Variants in RPS6KC1 observed in about 807,000 individuals in gnomAD.
RPS6KC1 encodes the protein ribosomal protein S6 kinase C1, also known as inactive ribosomal protein S6 kinase delta-1.
RPS6KC1 carries 54 observed loss-of-function variants against 103.8 expected under a neutral mutation model. The ratio of observed to expected loss-of-function variants is 0.52; its 90% CI spans 0.42 to 0.65. RPS6KC1 has a LOEUF of 0.65. Ranked by LOEUF, RPS6KC1 falls within the 30% of genes least tolerant of loss-of-function variation. The probability of loss-of-function intolerance (pLI) is 0.00; values close to 1 mark genes in which losing one functional copy is unlikely to be tolerated. For missense variants in RPS6KC1, 1,151 were observed against 1,253.8 expected (o/e 0.92, Z 1.24); for synonymous variants, 439 against 438.7 (o/e 1.00, Z -0.01).
chr1:213,624,732 A>T, the RPS6KC1 span, among the ~76,000 whole-genome samples: 4 of 152,060 alleles, frequency 2.6e-5, no homozygotes, highest in African/African-American at 7.2e-5. Flanking sequence ...GGTGCTCAGG[A>T]TCCCTCTTTT....
intron 5 of RPS6KC1, among the ~76,000 whole-genome samples, chr1:213,122,016 A>T (rs1300059649): frequency 6.6e-6 from 1 of 152,196 alleles, no homozygotes; most frequent in Admixed American, 6.6e-5. Flanking sequence ...AACTGTCTTG[A>T]ATTAACTATT....
At chr1:213,621,677 C>A in the RPS6KC1 span, among the ~76,000 whole-genome samples, 1 of 152,220 alleles carries the variant, frequency 6.6e-6, no homozygotes, top group Non-Finnish European at 1.5e-5. Context: ...AGAGCAGGAC[C>A]AGCTATATAA....
At chr1:213,560,489 C>T in the RPS6KC1 span, among the ~76,000 whole-genome samples, 2 of 152,168 alleles carry the variant, frequency 1.3e-5, no homozygotes, top group Admixed American at 6.5e-5. Flanking sequence ...GTAAGGAAAA[C>T]GGGGACCTCG....
chr1:213,848,894 G>A, the RPS6KC1 span, among the ~76,000 whole-genome samples: 1 of 152,126 alleles, frequency 6.6e-6, no homozygotes, highest in Non-Finnish European at 1.5e-5. Context: ...AAGGTTTGAG[G>A]GGAGAGGAAT....
the RPS6KC1 span, among the ~76,000 whole-genome samples, chr1:213,861,578 ACACTCTC>A: frequency 1.3e-5 from 2 of 152,220 alleles, no homozygotes; most frequent in Admixed American, 6.5e-5. Context: ...TGGCCATCAC[ACACTCTC>A]AATGCAAAGC....
the RPS6KC1 span, among the ~76,000 whole-genome samples, chr1:213,432,605 A>G: frequency 1.3e-5 from 2 of 152,172 alleles, no homozygotes; most frequent in East Asian, 3.9e-4. Flanking sequence ...CTTGTGTCTC[A>G]TTGTAATGGG....
chr1:213,492,441 G>A, the RPS6KC1 span: 1 of 152,220 alleles, frequency 6.6e-6, no homozygotes, highest in Non-Finnish European at 1.5e-5. Context: ...TGGTATAGAG[G>A]CTCCTGTTTG....
At chr1:213,178,819 A>G (rs1001478503) in intron 8 of RPS6KC1, among the ~76,000 whole-genome samples, 2 of 151,826 alleles carry the variant, frequency 1.3e-5, no homozygotes, top group Non-Finnish European at 2.9e-5. Context: ...GGTTCAAACA[A>G]TTCTTCTGTC....
the RPS6KC1 span, among the ~76,000 whole-genome samples, chr1:213,397,341 A>T: frequency 6.6e-6 from 1 of 151,820 alleles, no homozygotes; most frequent in African/African-American, 2.4e-5. Context: ...TCTCCCCACA[A>T]ACCTTCAAAG....
the RPS6KC1 span, among the ~76,000 whole-genome samples, chr1:213,741,071 A>G: frequency 6.7e-6 from 1 of 148,618 alleles, no homozygotes; most frequent in Non-Finnish European, 1.5e-5. Flanking sequence ...AATATATAGT[A>G]TATATAAATA....
At chr1:213,394,464 G>A in the RPS6KC1 span, among the ~76,000 whole-genome samples, 4 of 151,530 alleles carry the variant, frequency 2.6e-5, no homozygotes, top group African/African-American at 7.3e-5. Context: ...TGCCAGCCTC[G>A]GAATGCTGGT....
At chr1:213,089,600 T>C (rs1439934957) in intron 3 of RPS6KC1, among the ~76,000 whole-genome samples, 1 of 152,122 alleles carries the variant, frequency 6.6e-6, no homozygotes. Context: ...TAGCTGGGAA[T>C]ACAGGCATGT....
At chr1:213,754,839 A>G in the RPS6KC1 span, among the ~76,000 whole-genome samples, 2 of 152,222 alleles carry the variant, frequency 1.3e-5, no homozygotes, top group Non-Finnish European at 2.9e-5. Flanking sequence ...ATTTGAGGGA[A>G]CACAAACATT....
At chr1:213,620,364 G>A in the RPS6KC1 span, among the ~76,000 whole-genome samples, 1 of 152,184 alleles carries the variant, frequency 6.6e-6, no homozygotes, top group Non-Finnish European at 1.5e-5. Flanking sequence ...TGGAGGGGCT[G>A]GAAGCCTGTG....
At chr1:213,688,860 G>A in the RPS6KC1 span, among the ~76,000 whole-genome samples, 1,123 of 152,310 alleles carry the variant, frequency 7.4e-3, 20 homozygotes, top group East Asian at 0.062. Context: ...CCTACTCTGT[G>A]TAAGCCTTCC....
the RPS6KC1 span, among the ~76,000 whole-genome samples, chr1:213,339,190 T>C: frequency 6.6e-6 from 1 of 152,144 alleles, no homozygotes; most frequent in Non-Finnish European, 1.5e-5. Context: ...CACTTGAACC[T>C]GGGAGGCAGA....
chr1:213,576,110 C>G, the RPS6KC1 span, among the ~76,000 whole-genome samples: 558 of 152,254 alleles, frequency 3.7e-3, 2 homozygotes, highest in African/African-American at 0.013. Context: ...ACGCATACAG[C>G]TGGCTCTGCA....
intron 5 of RPS6KC1, among the ~76,000 whole-genome samples, chr1:213,124,543 G>T (rs76778854): frequency 0.022 from 3,373 of 152,198 alleles, 121 homozygotes; most frequent in African/African-American, 0.077. Flanking sequence ...AAGTTGAATT[G>T]TAGTGTGATT....
the RPS6KC1 span, among the ~76,000 whole-genome samples, chr1:213,617,919 GA>G: frequency 8.5e-5 from 13 of 152,226 alleles, no homozygotes; most frequent in Admixed American, 8.5e-4. Context: ...AAAAATGTGA[GA>G]GGGGCTAGAA....
Sources: gnomAD v4.1 joint callset for allele counts (sites outside exome capture counted in the v4.1 genomes callset) on GRCh38, gnomAD v4.1.1 for gene constraint, MANE v1.5 for transcripts, NCBI Gene and HGNC (gene_info 2026-07-23, HGNC 2026-07-21) for gene names.